The following CTNNA2 variants were observed in gnomAD, a reference collection of about 807,000 sequenced individuals.
The protein encoded by CTNNA2 is catenin alpha-2.
In CTNNA2, 42 loss-of-function variants were observed where a neutral mutation model predicts 101.0. The ratio of observed to expected loss-of-function variants is 0.42; its 90% CI spans 0.32 to 0.54. The LOEUF (loss-of-function observed/expected upper bound fraction) is 0.54. Ranked by LOEUF, CTNNA2 falls within the 20% of genes least tolerant of loss-of-function variation. The probability of loss-of-function intolerance (pLI) is 0.14; values close to 1 mark genes in which losing one functional copy is unlikely to be tolerated. For missense variants in CTNNA2, 871 were observed against 1,223.1 expected (o/e 0.71, Z 4.29); for synonymous variants, 450 against 456.4 (o/e 0.99, Z 0.18).
chr2:79,708,242 A>T (rs1573746745), intron 2 of CTNNA2, among the ~76,000 whole-genome samples: 2 of 152,218 alleles, frequency 1.3e-5, no homozygotes, highest in East Asian at 3.8e-4. Context: ...CCCTTCTGAA[A>T]GCTGTAATAA....
chr2:80,079,823 TAAAATAAATAAAATAAAATA>T lies in CTNNA2; in HGVS notation c.1056+170030_1056+170049del, dbSNP rs1167460738. On this transcript the variant is annotated intron_variant, in intron 7 of 18. Coordinates refer to ENST00000402739, the MANE Select transcript of CTNNA2 (RefSeq NM_001282597.3). Reference sequence around the variant, plus strand: ...GGGAGACTCCGTCTCAAAAATAAAATAAAATAAATAAAATAAAATAAAATAAAATAAAATAAAATAAAATA... The same window carrying T: ...GGGAGACTCCGTCTCAAAAATAAAATAAATAAAATAAAATAAAATAAAATA... 8.2e-5 allele frequency among the ~76,000 whole-genome samples: 7 copies of T among 84,982 alleles called. No homozygotes were observed. The East Asian group carries it at 1.9e-3, about 23-fold the overall frequency. 55.8% of individuals were successfully genotyped at this position (84,982 alleles called of 152,430 possible).
At chr2:80,497,321 T>C (rs1359234240) in intron 9 of CTNNA2, among the ~76,000 whole-genome samples, 1 of 152,172 alleles carries the variant, frequency 6.6e-6, no homozygotes, top group East Asian at 1.9e-4. Context: ...TCTGAGTGGC[T>C]AGTGCAAGGG....
At chr2:79,824,155 T>C (rs1236085836) in intron 3 of CTNNA2, among the ~76,000 whole-genome samples, 4 of 152,168 alleles carry the variant, frequency 2.6e-5, no homozygotes, top group Non-Finnish European at 5.9e-5. Flanking sequence ...GCCCAAATAA[T>C]GGTGAGTATA....
At chr2:79,565,868 T>C (rs1343701494) in intron 1 of CTNNA2, among the ~76,000 whole-genome samples, 1 of 152,030 alleles carries the variant, frequency 6.6e-6, no homozygotes, top group African/African-American at 2.4e-5. Context: ...GATGCATAAA[T>C]GGTTATTGAG....
intron 2 of CTNNA2, among the ~76,000 whole-genome samples, chr2:79,263,684 A>G (rs1022286416): frequency 1.3e-5 from 2 of 152,164 alleles, no homozygotes; most frequent in South Asian, 2.1e-4. Flanking sequence ...TCATGAATAG[A>G]TTAACTTCAT....
chr2:80,118,641 T>G (rs1463339215), intron 7 of CTNNA2, among the ~76,000 whole-genome samples: 1 of 152,264 alleles, frequency 6.6e-6, no homozygotes, highest in Non-Finnish European at 1.5e-5. Context: ...ATCATATTTC[T>G]ATGAAGCCAA....
chr2:79,603,669 G>A (rs555021531), intron 1 of CTNNA2, among the ~76,000 whole-genome samples: 13 of 152,274 alleles, frequency 8.5e-5, no homozygotes, highest in African/African-American at 2.6e-4. Flanking sequence ...AGCGTCATAC[G>A]TATCATAAGA....
chr2:79,416,831 A>T (rs1349028714), intron 4 of CTNNA2, among the ~76,000 whole-genome samples: 2 of 152,086 alleles, frequency 1.3e-5, no homozygotes, highest in Non-Finnish European at 2.9e-5. Flanking sequence ...TATCCCACAG[A>T]AGTCACTTAA....
intron 6 of CTNNA2, among the ~76,000 whole-genome samples, chr2:79,897,044 A>G (rs1260684860): frequency 1.3e-5 from 2 of 152,188 alleles, no homozygotes; most frequent in Non-Finnish European, 2.9e-5. Context: ...AGGTGAGATT[A>G]TATTTTTTTT....
intron 2 of CTNNA2, among the ~76,000 whole-genome samples, chr2:79,659,830 T>C (rs1681892266): frequency 6.6e-6 from 1 of 152,128 alleles, no homozygotes; most frequent in Non-Finnish European, 1.5e-5. Context: ...GACCAGTCTC[T>C]ACTAAAAGTT....
chr2:79,449,264 T>C (rs779831104), intron 4 of CTNNA2, among the ~76,000 whole-genome samples: 1 of 151,970 alleles, frequency 6.6e-6, no homozygotes, highest in Admixed American at 6.6e-5. Flanking sequence ...ATGGAAGTGA[T>C]AAGAAATTGA....
chr2:79,430,547 A>G (rs925412889), intron 4 of CTNNA2, among the ~76,000 whole-genome samples: 1 of 152,218 alleles, frequency 6.6e-6, no homozygotes, highest in Non-Finnish European at 1.5e-5. Flanking sequence ...ATTTACCATT[A>G]GAAATCCATG....
intron 2 of CTNNA2, among the ~76,000 whole-genome samples, chr2:79,232,282 T>C (rs1467837803): frequency 6.6e-6 from 1 of 152,228 alleles, no homozygotes; most frequent in Non-Finnish European, 1.5e-5. Flanking sequence ...ATTGATTTTA[T>C]CTAAGACTTT....
At chr2:80,037,053 G>C (rs533994726) in intron 7 of CTNNA2, among the ~76,000 whole-genome samples, 1 of 152,290 alleles carries the variant, frequency 6.6e-6, no homozygotes, top group Non-Finnish European at 1.5e-5. Context: ...ACTGGAAAAG[G>C]AGGAATGAAT....
chr2:80,476,716 T>C (rs529502243), intron 9 of CTNNA2, among the ~76,000 whole-genome samples: 1 of 152,280 alleles, frequency 6.6e-6, no homozygotes, highest in East Asian at 1.9e-4. Flanking sequence ...TCTTGCTTTC[T>C]GGCCTCAGAC....
At chr2:79,409,814 T>C (rs1003022038) in intron 4 of CTNNA2, among the ~76,000 whole-genome samples, 3 of 138,090 alleles carry the variant, frequency 2.2e-5, no homozygotes, top group African/African-American at 8.1e-5. Flanking sequence ...AACTTTAAAG[T>C]AGTTTTTTTC....
chr2:79,693,292 A>G (rs1045241268), intron 2 of CTNNA2, among the ~76,000 whole-genome samples: 7 of 140,748 alleles, frequency 5.0e-5, no homozygotes, highest in African/African-American at 1.7e-4. Context: ...GTTGGCAAAA[A>G]TTTCATTAAG....
At chr2:80,505,808 T>C (rs1243319831) in intron 9 of CTNNA2, among the ~76,000 whole-genome samples, 2 of 152,230 alleles carry the variant, frequency 1.3e-5, no homozygotes, top group Admixed American at 1.3e-4. Context: ...AATTTCCAGG[T>C]GCTTGCTTTC....
intron 4 of CTNNA2, among the ~76,000 whole-genome samples, chr2:79,494,853 G>GT (rs1220778634): frequency 6.6e-6 from 1 of 152,070 alleles, no homozygotes; most frequent in Non-Finnish European, 1.5e-5. Context: ...GCTCACGTCT[G>GT]TAATTCCAGC....
Sources: allele counts gnomAD v4.1 joint callset (sites outside exome capture counted in the v4.1 genomes callset), GRCh38; gene constraint gnomAD v4.1.1; transcripts MANE v1.5; gene names NCBI Gene and HGNC (gene_info 2026-07-23, HGNC 2026-07-21).